Variants in SPAG16 observed in about 807,000 individuals in gnomAD.
SPAG16 encodes the protein sperm-associated antigen 16 protein.
Under a neutral mutation model 80.4 loss-of-function variants are expected in SPAG16, and 86 were observed. The observed-to-expected ratio is 1.07, with a 90% CI of 0.90 to 1.28. SPAG16 has a LOEUF of 1.28. Ranked by LOEUF, SPAG16 falls within the 50% of genes most tolerant of loss-of-function variation. SPAG16 has a pLI of 0.00. For missense variants in SPAG16, 870 were observed against 765.3 expected, an observed-to-expected ratio of 1.14 and a Z score of -1.61; for synonymous variants, 294 against 265.9, an observed-to-expected ratio of 1.11 and a Z score of -1.03.
At chr2:213,516,161 A>G (rs548012766) in intron 10 of SPAG16, among the ~76,000 whole-genome samples, 11 of 152,356 alleles carry the variant, frequency 7.2e-5, no homozygotes, top group Admixed American at 3.3e-4. Flanking sequence ...GGAAAAATTC[A>G]GCTAATGCAG....
At chr2:214,270,603 C>T (rs1252114296) in intron 15 of SPAG16, among the ~76,000 whole-genome samples, 1 of 152,160 alleles carries the variant, frequency 6.6e-6, no homozygotes, top group Admixed American at 6.5e-5. Context: ...TCTATATTCT[C>T]ATGAGTGAAC....
chr2:214,152,579 CGA>C (rs2056025425), intron 15 of SPAG16, among the ~76,000 whole-genome samples: 2 of 152,118 alleles, frequency 1.3e-5, no homozygotes, highest in African/African-American at 2.4e-5. Flanking sequence ...TGTGCGGCGA[CGA>C]GAGAGTGTAG....
intron 15 of SPAG16, among the ~76,000 whole-genome samples, chr2:214,269,575 A>G (rs1691839146): frequency 6.6e-6 from 1 of 152,044 alleles, no homozygotes. Flanking sequence ...TGTACATTCA[A>G]TTTTTCAAAA....
chr2:214,343,536 A>T (rs1576831643), intron 15 of SPAG16, among the ~76,000 whole-genome samples: 1 of 152,184 alleles, frequency 6.6e-6, no homozygotes, highest in African/African-American at 2.4e-5. Context: ...ATGTTTATAT[A>T]TGTTTTTACA....
At chr2:213,982,282 G>A (rs2045787976) in intron 12 of SPAG16, among the ~76,000 whole-genome samples, 1 of 151,960 alleles carries the variant, frequency 6.6e-6, no homozygotes, top group Non-Finnish European at 1.5e-5. Flanking sequence ...TCATTTTAAT[G>A]AGCAATTAAA....
At chr2:214,138,598 C>A (rs1274456418) in intron 14 of SPAG16, among the ~76,000 whole-genome samples, 2 of 152,116 alleles carry the variant, frequency 1.3e-5, no homozygotes, top group African/African-American at 4.8e-5. Flanking sequence ...GAGCAGTTGG[C>A]AACTGGCATT....
chr2:214,188,269 G>A (rs777053484), intron 15 of SPAG16, among the ~76,000 whole-genome samples: 1 of 152,068 alleles, frequency 6.6e-6, no homozygotes, highest in South Asian at 2.1e-4. Flanking sequence ...AGTGTAATGA[G>A]GATCTAAAGG....
chr2:213,769,688 G>T (rs907046314), intron 10 of SPAG16, among the ~76,000 whole-genome samples: 1 of 152,118 alleles, frequency 6.6e-6, no homozygotes, highest in African/African-American at 2.4e-5. Flanking sequence ...TTTTAAATAT[G>T]TCTCTTTCTG....
chr2:214,104,827 T>A (rs2125392566), intron 13 of SPAG16, among the ~76,000 whole-genome samples: 1 of 152,072 alleles, frequency 6.6e-6, no homozygotes, highest in East Asian at 1.9e-4. Context: ...TGGGCGGCAT[T>A]AAGGGAGCTA....
intron 9 of SPAG16, among the ~76,000 whole-genome samples, chr2:213,413,875 T>C (rs1378320129): frequency 3.9e-5 from 6 of 152,300 alleles, no homozygotes; most frequent in South Asian, 2.1e-4. Context: ...CATAATCATA[T>C]TGTTAGTTTT....
chr2:213,759,048 A>T (rs2068502538), intron 10 of SPAG16, among the ~76,000 whole-genome samples: 1 of 152,190 alleles, frequency 6.6e-6, no homozygotes, highest in South Asian at 2.1e-4. Context: ...AGAAAACATT[A>T]TCAAACAAGA....
intron 10 of SPAG16, among the ~76,000 whole-genome samples, chr2:213,707,757 G>GA (rs111811034): frequency 0.068 from 10,262 of 151,936 alleles, 1,063 homozygotes; most frequent in African/African-American, 0.22. Context: ...TAAGGTGATG[G>GA]AAAAAAATCT....
At chr2:213,806,781 A>C (rs895815785) in intron 10 of SPAG16, among the ~76,000 whole-genome samples, 1 of 152,206 alleles carries the variant, frequency 6.6e-6, no homozygotes, top group African/African-American at 2.4e-5. Context: ...TTACAAACGA[A>C]ATACAATCAC....
intron 13 of SPAG16, among the ~76,000 whole-genome samples, chr2:214,070,506 T>C (rs374815714): frequency 1.3e-5 from 2 of 152,230 alleles, no homozygotes; most frequent in East Asian, 3.9e-4. Context: ...CTTTAATATA[T>C]ACAAAAGCAA....
At chr2:213,853,269 T>C (rs917215840) in intron 10 of SPAG16, among the ~76,000 whole-genome samples, 1 of 152,172 alleles carries the variant, frequency 6.6e-6, no homozygotes, top group Admixed American at 6.6e-5. Context: ...AGTCTAACAG[T>C]GGATTCTTAT....
At chr2:213,579,341 A>G (rs927930678) in intron 10 of SPAG16, among the ~76,000 whole-genome samples, 3 of 152,156 alleles carry the variant, frequency 2.0e-5, no homozygotes, top group Non-Finnish European at 4.4e-5. Flanking sequence ...AGTTGCCCAG[A>G]TAGGGTGTGT....
chr2:213,517,075 C>A (rs1291704717), intron 10 of SPAG16, among the ~76,000 whole-genome samples: 2 of 152,148 alleles, frequency 1.3e-5, no homozygotes, highest in African/African-American at 4.8e-5. Flanking sequence ...AGAGTCTCTT[C>A]TAAATGGCTG....
In SPAG16 at chr2:213,833,559, TA is replaced by T. The variant is rs2073899834; in HGVS notation, c.1071-28925del. 6.8e-4 allele frequency among the ~76,000 whole-genome samples: 12 copies of T among 17,558 alleles called. 4 individuals carry two copies. In the South Asian group the frequency reaches 0.011, roughly 16 times the overall value. 11.5% of individuals were successfully genotyped at this position (17,558 alleles called of 152,430 possible). On this transcript the variant is annotated intron_variant, in intron 10 of 15. Transcript: ENST00000331683. ...TATATAATATATATAATATATATAA[TA>T]TATATAATATATATATAATATATAT... is the stretch of plus-strand genomic sequence containing the variant.
At chr2:213,559,198 A>G (rs905873973) in intron 10 of SPAG16, among the ~76,000 whole-genome samples, 1 of 152,202 alleles carries the variant, frequency 6.6e-6, no homozygotes. Flanking sequence ...AAAGCAAAAT[A>G]ACAACTGTCA....
Sources: gnomAD v4.1 joint callset for allele counts (sites outside exome capture counted in the v4.1 genomes callset) on GRCh38, gnomAD v4.1.1 for gene constraint, MANE v1.5 for transcripts, NCBI Gene and HGNC (gene_info 2026-07-23, HGNC 2026-07-21) for gene names.